TSGA10: variants seen among roughly 807,000 people sequenced by gnomAD.
TSGA10 encodes the protein testis specific 10, also known as testis-specific gene 10 protein.
A neutral mutation model predicts 96.6 loss-of-function variants in TSGA10; 43 were observed. The observed-to-expected ratio is 0.44, with a 90% CI of 0.35 to 0.57. The LOEUF (loss-of-function observed/expected upper bound fraction) is 0.57. TSGA10 is among the 20% of genes least tolerant of loss of function. The pLI is 0.01. For missense variants in TSGA10, 703 were observed against 834.4 expected, an observed-to-expected ratio of 0.84 and a Z score of 1.94; for synonymous variants, 229 against 269.9, an observed-to-expected ratio of 0.85 and a Z score of 1.48.
chr2:99,087,916 C>G (rs908728482), intron 10 of TSGA10, among the ~76,000 whole-genome samples: 1 of 152,154 alleles, frequency 6.6e-6, no homozygotes, highest in African/African-American at 2.4e-5. Context: ...CACTCAACAT[C>G]ATTAGGAATC....
At chr2:99,067,683 T>C (rs1392286063) in intron 15 of TSGA10, among the ~76,000 whole-genome samples, 1 of 151,868 alleles carries the variant, frequency 6.6e-6, no homozygotes, top group Non-Finnish European at 1.5e-5. Context: ...CGAAACCCCG[T>C]CTCTACTAAA....
chr2:98,998,725 T>G (rs970516159), intron 20 of TSGA10, among the ~76,000 whole-genome samples: 5 of 152,142 alleles, frequency 3.3e-5, no homozygotes, highest in African/African-American at 1.2e-4. Context: ...TGAGTGCATC[T>G]AAAAACTAGT....
chr2:99,147,435 C>T, intron 1 of TSGA10: 1 of 1,612,382 alleles, frequency 6.2e-7, no homozygotes, highest in Non-Finnish European at 8.5e-7. Flanking sequence ...AATGCCAGTC[C>T]AAAGAGGCCC....
chr2:99,055,006 G>A (rs2083809284), intron 16 of TSGA10, among the ~76,000 whole-genome samples: 1 of 152,088 alleles, frequency 6.6e-6, no homozygotes, highest in Admixed American at 6.5e-5. Context: ...TCCCACTTCT[G>A]GATATACATC....
At chr2:98,998,443 ATACT>A (rs1449946336) in intron 20 of TSGA10, among the ~76,000 whole-genome samples, 2 of 152,352 alleles carry the variant, frequency 1.3e-5, no homozygotes, top group East Asian at 3.9e-4. Context: ...TGAACTATTG[ATACT>A]TACAGCAGCT....
At chr2:99,033,325 T>C (rs2081310384) in intron 17 of TSGA10, among the ~76,000 whole-genome samples, 1 of 152,226 alleles carries the variant, frequency 6.6e-6, no homozygotes, top group African/African-American at 2.4e-5. Context: ...ACACGTCTTC[T>C]CTTATATACA....
At chr2:99,141,287 G>T in intron 1 of TSGA10, 1 of 568,856 alleles carries the variant, frequency 1.8e-6, no homozygotes, top group Non-Finnish European at 2.5e-6. Context: ...GCGGGAAGGA[G>T]GAGGGGGCGG....
chr2:99,041,344 A>C (rs1280816841), intron 16 of TSGA10, among the ~76,000 whole-genome samples: 1 of 152,216 alleles, frequency 6.6e-6, no homozygotes. Flanking sequence ...TCTTTGCGAC[A>C]CCAGGGAACA....
At chr2:99,149,525 C>T (rs1253780541) in intron 1 of TSGA10, among the ~76,000 whole-genome samples, 4 of 151,020 alleles carry the variant, frequency 2.6e-5, no homozygotes, top group Non-Finnish European at 5.9e-5. Context: ...TCACTGCAAC[C>T]TCAGCCTCCC....
intron 17 of TSGA10, among the ~76,000 whole-genome samples, chr2:99,031,812 T>A (rs1205638138): frequency 6.6e-6 from 1 of 152,068 alleles, no homozygotes; most frequent in Non-Finnish European, 1.5e-5. Context: ...CTCATAGGAG[T>A]GGAACCCTAT....
intron 1 of TSGA10, among the ~76,000 whole-genome samples, chr2:99,148,766 T>C (rs1156515552): frequency 6.6e-6 from 1 of 151,830 alleles, no homozygotes; most frequent in African/African-American, 2.4e-5. Flanking sequence ...AGGTCAGGGG[T>C]TCAAGACCAG....
intron 4 of TSGA10, among the ~76,000 whole-genome samples, chr2:99,113,761 G>A (rs1157446607): frequency 4.0e-5 from 6 of 151,758 alleles, no homozygotes; most frequent in African/African-American, 1.4e-4. Flanking sequence ...TGGTCAGGCT[G>A]GTCTTGAACT....
chr2:99,075,654 C>A (rs1470921432), intron 12 of TSGA10, among the ~76,000 whole-genome samples: 7 of 152,200 alleles, frequency 4.6e-5, no homozygotes, highest in African/African-American at 1.7e-4. Context: ...TGGTACCTTG[C>A]AAGTTATTTT....
In TSGA10 at chr2:99,070,213, T is replaced by C. The variant is rs540120634; in HGVS notation, c.1108-1215A>G. ...TATTATAGTAAGCTAATAATAGCTATAAAATATTTATTGAGTGATATACTG... is the reference window on the plus strand; with the variant it reads ...TATTATAGTAAGCTAATAATAGCTACAAAATATTTATTGAGTGATATACTG... On this transcript the variant is annotated intron_variant, in intron 14 of 20. Coordinates refer to ENST00000393483, the MANE Select transcript of TSGA10 (RefSeq NM_025244.4). Among the ~76,000 whole-genome samples, 6 of 152,296 alleles carry C rather than the reference T, an allele frequency of 3.9e-5. No homozygotes were observed. In the East Asian group the frequency reaches 7.7e-4, roughly 20 times the overall value.
chr2:99,152,887 G>T (rs187425709), intron 1 of TSGA10, among the ~76,000 whole-genome samples: 1 of 152,314 alleles, frequency 6.6e-6, no homozygotes, highest in East Asian at 1.9e-4. Flanking sequence ...AGACTTACCA[G>T]GTTTACAAGG....
intron 20 of TSGA10, among the ~76,000 whole-genome samples, chr2:99,014,587 A>C (rs929944013): frequency 1.3e-5 from 2 of 152,204 alleles, no homozygotes; most frequent in African/African-American, 4.8e-5. Context: ...AAGGAACTAG[A>C]GAAACAAGAA....
At chr2:99,095,194 C>T (rs1013178463) in intron 10 of TSGA10, among the ~76,000 whole-genome samples, 11 of 152,032 alleles carry the variant, frequency 7.2e-5, no homozygotes, top group African/African-American at 2.7e-4. Flanking sequence ...GGGAGCTAAG[C>T]TATGAGGATG....
chr2:99,113,865 T>A (rs534790910), intron 4 of TSGA10, among the ~76,000 whole-genome samples: 44 of 152,198 alleles, frequency 2.9e-4, no homozygotes, highest in African/African-American at 1.0e-3. Context: ...GATAACAATT[T>A]CCTGAGAAAC....
chr2:99,078,517 T>C (rs770960011), intron 12 of TSGA10, 142 bp downstream of exon 12: 5 of 801,690 alleles, frequency 6.2e-6, no homozygotes, highest in Non-Finnish European at 9.4e-6. Flanking sequence ...TATTTCAAAG[T>C]CAGATTTTGA....
Sources: gnomAD v4.1 joint callset for allele counts (sites outside exome capture counted in the v4.1 genomes callset) on GRCh38, gnomAD v4.1.1 for gene constraint, MANE v1.5 for transcripts, NCBI Gene and HGNC (gene_info 2026-07-23, HGNC 2026-07-21) for gene names.